The following OLA1 variants were observed in gnomAD, a reference collection of about 807,000 sequenced individuals.
The protein encoded by OLA1 is Obg like ATPase 1, also known as obg-like ATPase 1.
In OLA1, 14 loss-of-function variants were observed where a neutral mutation model predicts 48.4. The ratio of observed to expected loss-of-function variants is 0.29; its 90% CI spans 0.19 to 0.45. The LOEUF is 0.45. OLA1 is among the 20% of genes least tolerant of loss of function. OLA1 has a pLI of 1.00. For missense variants in OLA1, 325 were observed against 467.1 expected (o/e 0.70, Z 2.80); for synonymous variants, 127 against 150.4 (o/e 0.84, Z 1.14).
At chr2:174,169,824 A>G (rs777737147) in intron 4 of OLA1, among the ~76,000 whole-genome samples, 1 of 152,228 alleles carries the variant, frequency 6.6e-6, no homozygotes, top group African/African-American at 2.4e-5. Flanking sequence ...TGTTTAAACA[A>G]AAGTCATTTA....
intron 7 of OLA1, among the ~76,000 whole-genome samples, chr2:174,091,898 A>AAAAAAAAAAAAAAAAC (rs1685123032): frequency 7.7e-6 from 1 of 130,480 alleles, no homozygotes; most frequent in Non-Finnish European, 1.6e-5. Context: ...AAAAAAAAAA[A>AAAAAAAAAAAAAAAAC]AAAAAAAAAG....
intron 8 of OLA1, 33 bp from the exon 9 acceptor site, chr2:174,081,281 A>G (rs1343968199): frequency 7.2e-6 from 11 of 1,533,224 alleles, no homozygotes; most frequent in Non-Finnish European, 1.8e-6. Context: ...CACCCAACAC[A>G]TAAGTTGATT....
intron 4 of OLA1, among the ~76,000 whole-genome samples, chr2:174,150,087 C>T (rs1032749467): frequency 8.5e-5 from 13 of 152,146 alleles, no homozygotes; most frequent in Admixed American, 2.0e-4. Flanking sequence ...ATGTGTTCCG[C>T]GAAAGTTCAT....
chr2:174,201,498 G>A (rs942789940), intron 4 of OLA1, among the ~76,000 whole-genome samples: 6 of 152,078 alleles, frequency 3.9e-5, no homozygotes, highest in Non-Finnish European at 8.8e-5. Flanking sequence ...ACAGGCACAC[G>A]CCACCATGCC....
chr2:174,227,685 T>C lies in OLA1; in HGVS notation c.245+1623A>G, dbSNP rs544784856. The stretch of plus-strand genomic sequence containing the variant: ...AATTTGAGCATCAAATCAATGTTTG[T>C]GACAGATTAAAACCAATAAAATAAC... On this transcript the variant is annotated intron_variant, in intron 3 of 10. Transcript: ENST00000284719. Among the ~76,000 whole-genome samples, 114 of 152,290 alleles carry C rather than the reference T, an allele frequency of 7.5e-4. 1 individual carries two copies. In the South Asian group the frequency reaches 0.023, roughly 30 times the overall value.
intron 4 of OLA1, among the ~76,000 whole-genome samples, chr2:174,179,631 T>C (rs1687488917): frequency 6.6e-6 from 1 of 152,000 alleles, no homozygotes; most frequent in African/African-American, 2.4e-5. Context: ...TTCCTAAAAC[T>C]ACATGCTCCT....
Position 174,196,423 on chromosome 2 carries a change from A to G in OLA1, c.373+26610T>C, listed in dbSNP as rs6712278. Among the ~76,000 whole-genome samples, 279 of 152,276 alleles carry G rather than the reference A, an allele frequency of 1.8e-3. 1 individual carries two copies. The highest frequency in any genetic ancestry group is 6.4e-3 in the African/African-American group (267 of 41,568). ...TGAGAAATACCTTTAATATTACAAC[A>G]CCTTCTTATTTGCTACCAAAATAAG... On this transcript the variant is annotated intron_variant, in intron 4 of 10. Transcript: ENST00000284719.
In OLA1 at chr2:174,091,869, C is replaced by CAAAAAAAAAAAAAAAAAAA. The variant is rs1174747360; in HGVS notation, c.729-9824_729-9806dup. On this transcript the variant is annotated intron_variant, in intron 7 of 10. Coordinates refer to ENST00000284719, the MANE Select transcript of OLA1 (RefSeq NM_013341.5). Reference sequence around the variant, plus strand: ...CCTGGGAGACAGCGAGACTCTGCCTCAAAAAAAAAAAAAAAAAAAAAAAAA... The same window carrying CAAAAAAAAAAAAAAAAAAA: ...CCTGGGAGACAGCGAGACTCTGCCTCAAAAAAAAAAAAAAAAAAAAAAAAAAAAAAAAAAAAAAAAAAAA... 5.2e-4 allele frequency among the ~76,000 whole-genome samples: 12 copies of CAAAAAAAAAAAAAAAAAAA among 22,982 alleles called. 4 individuals carry two copies. Among genetic ancestry groups the CAAAAAAAAAAAAAAAAAAA allele is most frequent in the Non-Finnish European group, 9.6e-4 (10 of 10,402 alleles). The allele number at this position is 22,982 out of a possible 152,430, so 15.1% of individuals were successfully genotyped here. A position where few individuals can be genotyped will look rare whatever the true frequency, so the allele number is the denominator to read the frequency against.
chr2:174,163,772 AT>A (rs1687089333), intron 4 of OLA1, among the ~76,000 whole-genome samples: 1 of 34,456 alleles, frequency 2.9e-5, no homozygotes, highest in Non-Finnish European at 4.8e-5. Context: ...ATATATATAT[AT>A]ATAAATAAAT....
chr2:174,141,561 T>C (rs1686447304), intron 5 of OLA1, among the ~76,000 whole-genome samples: 1 of 152,164 alleles, frequency 6.6e-6, no homozygotes, highest in Non-Finnish European at 1.5e-5. Context: ...TTATTAACAC[T>C]AAAACTTGAA....
chr2:174,231,834 T>A (rs1688735206), intron 2 of OLA1, among the ~76,000 whole-genome samples: 1 of 152,224 alleles, frequency 6.6e-6, no homozygotes, highest in Admixed American at 6.5e-5. Context: ...TAGGCTTCAG[T>A]GGCAACTAAA....
At chr2:174,146,298 A>G (rs1686596939) in intron 4 of OLA1, among the ~76,000 whole-genome samples, 1 of 152,162 alleles carries the variant, frequency 6.6e-6, no homozygotes. Context: ...ATAAGATAAG[A>G]CTTATGATTT....
In OLA1 at chr2:174,081,134, A is replaced by C; in HGVS notation, c.966+18T>G. 6.3e-7 allele frequency: 1 copy of C among 1,591,216 alleles called. No homozygotes were observed. The highest frequency in any genetic ancestry group is 8.6e-7 in the Non-Finnish European group (1 of 1,159,616). On this transcript the variant is annotated intron_variant, in intron 9 of 10. Transcript: ENST00000284719. Reference sequence around the variant, plus strand: ...AGTGTGGAACTGGATATAGCTGATGAATAAGTATGAATCTTACCCTGATGG... The same window carrying C: ...AGTGTGGAACTGGATATAGCTGATGCATAAGTATGAATCTTACCCTGATGG...
intron 4 of OLA1, among the ~76,000 whole-genome samples, chr2:174,170,131 G>A (rs1687261154): frequency 6.6e-6 from 1 of 152,190 alleles, no homozygotes; most frequent in Non-Finnish European, 1.5e-5. Context: ...TACTCCAGAG[G>A]CTGAGGCAGG....
At chr2:174,247,619 ATCTT>A in intron 1 of OLA1, 2 of 1,549,460 alleles carry the variant, frequency 1.3e-6, no homozygotes, top group Non-Finnish European at 1.7e-6. Context: ...CTGGAATCTT[ATCTT>A]TCCCATTCGC....
At chr2:174,246,183 C>T (rs1689123731) in intron 2 of OLA1, among the ~76,000 whole-genome samples, 2 of 151,634 alleles carry the variant, frequency 1.3e-5, no homozygotes, top group Admixed American at 6.6e-5. Context: ...GCCTGTAATC[C>T]CAGCTACTCA....
intron 3 of OLA1, among the ~76,000 whole-genome samples, chr2:174,225,063 A>T (rs1187831074): frequency 6.6e-6 from 1 of 152,102 alleles, no homozygotes; most frequent in Non-Finnish European, 1.5e-5. Flanking sequence ...GCCTGGTGGG[A>T]GGCGTTTGGG....
intron 2 of OLA1, among the ~76,000 whole-genome samples, chr2:174,231,933 C>T (rs996830019): frequency 6.6e-6 from 1 of 152,050 alleles, no homozygotes; most frequent in Admixed American, 6.6e-5. Context: ...GTGTTAAAGC[C>T]CATATGCTTT....
At chr2:174,082,710 G>A (rs1479066307) in intron 7 of OLA1, among the ~76,000 whole-genome samples, 1 of 152,090 alleles carries the variant, frequency 6.6e-6, no homozygotes, top group Non-Finnish European at 1.5e-5. Flanking sequence ...GCAGAGGAAA[G>A]AAATTCCTTT....
Sources: allele counts gnomAD v4.1 joint callset (sites outside exome capture counted in the v4.1 genomes callset), GRCh38; gene constraint gnomAD v4.1.1; transcripts MANE v1.5; gene names NCBI Gene and HGNC (gene_info 2026-07-23, HGNC 2026-07-21).